Variants in VCL observed in about 807,000 individuals in gnomAD.
VCL encodes the protein epididymis luminal protein 114.
In VCL, 47 loss-of-function variants were observed where a neutral mutation model predicts 125.7. The observed-to-expected ratio is 0.37, with a 90% CI of 0.30 to 0.48. The LOEUF is 0.48. Among genes scored for constraint, VCL ranks in the 20% least tolerant of loss-of-function variants. VCL has a pLI of 0.99. For synonymous variants in VCL, 458 were observed against 514.6 expected (o/e 0.89, Z 1.49); for missense variants, 1,069 against 1,455.5 (o/e 0.73, Z 4.32).
intron 1 of VCL, among the ~76,000 whole-genome samples, chr10:74,004,132 A>G (rs1401748815): frequency 6.6e-6 from 1 of 152,204 alleles, no homozygotes; most frequent in Non-Finnish European, 1.5e-5. Flanking sequence ...ACTTTATTTC[A>G]GTTAAGTAAA....
In VCL at chr10:74,108,961, T is replaced by C; in HGVS notation, c.2560-10T>C. On this transcript the variant is annotated splice_polypyrimidine_tract_variant and intron_variant, in intron 17 of 21. Coordinates refer to ENST00000211998, the MANE Select transcript of VCL (RefSeq NM_014000.3). ...AGGACTTTACTTACAACTTGTTTTC[T>C]CTTTTTTAGCTAACAGATGAGCTTG... is the stretch of plus-strand genomic sequence containing the variant. 1.9e-6 allele frequency: 3 copies of C among 1,614,166 alleles called. No homozygotes were observed. The highest frequency in any genetic ancestry group is 1.1e-5 in the South Asian group (1 of 91,084).
At chr10:74,017,937 T>C (rs942283802) in intron 1 of VCL, among the ~76,000 whole-genome samples, 2 of 151,414 alleles carry the variant, frequency 1.3e-5, no homozygotes, top group Admixed American at 1.3e-4. Context: ...GGCAGGCAGA[T>C]TGCTTGAGCG....
chr10:74,000,259 C>CTTTTTTTTTT (rs34197555), intron 1 of VCL, among the ~76,000 whole-genome samples: 2 of 114,826 alleles, frequency 1.7e-5, no homozygotes, highest in Non-Finnish European at 3.5e-5. Context: ...TTGTATTTTG[C>CTTTTTTTTTT]TTTTTTTTTT....
Position 73,999,138 on chromosome 10 carries a change from G to T in VCL, c.168+763G>T, listed in dbSNP as rs114462211. ...CCTCCTGTGGACATTTTCACCTGGC[G>T]TTACCTGCTGTCAAACGGCCTCCTC... On this transcript the variant is annotated intron_variant, in intron 1 of 21. Transcript: ENST00000211998. 3.4e-3 allele frequency among the ~76,000 whole-genome samples: 523 copies of T among 152,222 alleles called. 2 individuals are homozygous for T. The highest frequency in any genetic ancestry group is 0.012 in the African/African-American group (490 of 41,544).
intron 1 of VCL, chr10:74,027,966 A>T (rs1295101684): frequency 6.6e-6 from 1 of 152,214 alleles, no homozygotes; most frequent in Non-Finnish European, 1.5e-5. Context: ...TGAAGCATCT[A>T]CTAGAGATTA....
intron 1 of VCL, among the ~76,000 whole-genome samples, chr10:74,008,579 C>T (rs1157651913): frequency 6.6e-6 from 1 of 152,172 alleles, no homozygotes; most frequent in African/African-American, 2.4e-5. Context: ...ATTAAAGGAT[C>T]TTTATTTCCC....
intron 2 of VCL, among the ~76,000 whole-genome samples, chr10:74,060,655 CAA>C (rs11398822): frequency 1.9e-4 from 21 of 109,204 alleles, no homozygotes; most frequent in Admixed American, 4.1e-4. Flanking sequence ...GACTCTGTCT[CAA>C]AAAAAAAAAA....
intron 1 of VCL, among the ~76,000 whole-genome samples, chr10:74,018,207 CAT>C (rs1303174705): frequency 2.8e-4 from 22 of 78,060 alleles, no homozygotes; most frequent in South Asian, 6.2e-4. Flanking sequence ...TATATAAATA[CAT>C]ATATATATGT....
chr10:74,059,987 AC>A (rs1262159978), intron 2 of VCL, among the ~76,000 whole-genome samples: 1 of 152,054 alleles, frequency 6.6e-6, no homozygotes, highest in East Asian at 1.9e-4. Flanking sequence ...ACATAGGGAG[AC>A]CTTGTCTGTA....
chr10:74,048,894 G>A (rs1040479216), intron 2 of VCL, among the ~76,000 whole-genome samples: 7 of 152,216 alleles, frequency 4.6e-5, no homozygotes, highest in Non-Finnish European at 1.0e-4. Context: ...GCCGAGGCGG[G>A]GGGATTGTGA....
chr10:74,097,103 A>G lies in VCL; in HGVS notation c.1744-101A>G. 1 of 1,525,720 alleles carries G rather than the reference A, an allele frequency of 6.6e-7. No individual in the cohort carries two copies. Among genetic ancestry groups the G allele is most frequent in the African/African-American group, 1.4e-5 (1 of 73,340 alleles). 94.5% of individuals were successfully genotyped at this position (1,525,720 alleles called of 1,614,324 possible). On this transcript the variant is annotated intron_variant, in intron 12 of 21. Coordinates refer to ENST00000211998, the MANE Select transcript of VCL (RefSeq NM_014000.3). This position sits in a 1 kb window ranked among gnomAD's most constrained non-coding sequence, Gnocchi z 4.1. ...ACAGTTAACAAATATTTATTGAATGAAAGACTGAATAGATGAATGAATGTC... is the reference window on the plus strand; with the variant it reads ...ACAGTTAACAAATATTTATTGAATGGAAGACTGAATAGATGAATGAATGTC...
chr10:74,076,025 A>G (rs1839579374), intron 6 of VCL: 1 of 152,650 alleles, frequency 6.6e-6, no homozygotes, highest in Non-Finnish European at 1.5e-5. Context: ...TTGCTTTTGC[A>G]TAGTTGACAA....
Position 74,097,138 on chromosome 10 carries a change from AG to A in VCL, c.1744-63del, listed in dbSNP as rs1839981015. The A allele has an allele frequency of 6.3e-7, 1 of 1,593,940 alleles. No individual in the cohort carries two copies. The highest frequency in any genetic ancestry group is 1.1e-5 in the South Asian group (1 of 90,180). ...TAGATGAATGAATGTCAGTGAAGTA[AG>A]GGCATTAGTAGATATGCTTTGAGGA... On this transcript the variant is annotated intron_variant, in intron 12 of 21. Transcript: ENST00000211998. This position sits in a 1 kb window ranked among gnomAD's most constrained non-coding sequence, Gnocchi z 4.1.
In VCL at chr10:74,093,474, GATTAA is replaced by G. The variant is rs1213142433; in HGVS notation, c.1353-794_1353-790del. Among the ~76,000 whole-genome samples the G allele has an allele frequency of 5.3e-5, 8 of 152,130 alleles. No homozygotes were observed. The East Asian group carries it at 1.5e-3, about 29-fold the overall frequency. Reference sequence around the variant, plus strand: ...ATTTACATCATAGGGTTGTTGTAAGGATTAAATAATATAAGGCAACTGCTTATGGC... The same window carrying G: ...ATTTACATCATAGGGTTGTTGTAAGGATAATATAAGGCAACTGCTTATGGC... On this transcript the variant is annotated intron_variant, in intron 10 of 21. Transcript: ENST00000211998.
chr10:74,094,228 A>G, intron 10 of VCL, 43 bp from the exon 11 acceptor site: 1 of 1,611,896 alleles, frequency 6.2e-7, no homozygotes, highest in Non-Finnish European at 8.5e-7. Context: ...CTCAATGTAA[A>G]TAGTGTTTAT....
chr10:74,028,230 C>T (rs536656883), intron 1 of VCL, among the ~76,000 whole-genome samples: 6 of 152,090 alleles, frequency 3.9e-5, no homozygotes, highest in African/African-American at 9.6e-5. Flanking sequence ...CAAGAGCCAC[C>T]ACACCTAGTT....
In VCL at chr10:74,119,119, T is replaced by A. The variant is rs922524325; in HGVS notation, c.*950T>A. On this transcript the variant is annotated 3_prime_UTR_variant, in exon 22 of 22. Transcript: ENST00000211998. ...TAGCTCTTAATTGTTCATTTTGAGC[T>A]GAAATGCTGCATTTTAATTTTAACC... The A allele has an allele frequency of 1.3e-5, 2 of 151,912 alleles. No homozygotes were observed. The highest frequency in any genetic ancestry group is 4.9e-5 in the African/African-American group (2 of 41,206). The allele number at this position is 151,912 out of a possible 1,614,324, so 9.4% of individuals were successfully genotyped here.
intron 10 of VCL, among the ~76,000 whole-genome samples, chr10:74,093,143 A>C (rs1167071795): frequency 6.6e-6 from 1 of 152,160 alleles, no homozygotes; most frequent in African/African-American, 2.4e-5. Context: ...CTAAAAATAG[A>C]GAAATTAGCT....
At chr10:74,052,282 C>T (rs1464985016) in intron 2 of VCL, among the ~76,000 whole-genome samples, 6 of 151,782 alleles carry the variant, frequency 4.0e-5, no homozygotes, top group Non-Finnish European at 5.9e-5. Context: ...CATATTAGCT[C>T]CCTTCTATAG....
Sources: allele counts gnomAD v4.1 joint callset (sites outside exome capture counted in the v4.1 genomes callset), GRCh38; gene constraint gnomAD v4.1.1; non-coding constraint Gnocchi (gnomAD v3.1); transcripts MANE v1.5; gene names NCBI Gene and HGNC (gene_info 2026-07-23, HGNC 2026-07-21).